CNTN5: variants seen among roughly 807,000 people sequenced by gnomAD.
CNTN5 encodes the protein contactin-5.
CNTN5 carries 77 observed loss-of-function variants against 129.1 expected under a neutral mutation model. That is an observed-to-expected ratio of 0.60 (90% CI 0.50 to 0.72). The LOEUF is 0.72. Ranked by LOEUF, CNTN5 falls within the 30% of genes least tolerant of loss-of-function variation. The probability of loss-of-function intolerance (pLI) is 0.00; values close to 1 mark genes in which losing one functional copy is unlikely to be tolerated. For synonymous variants in CNTN5, 509 were observed against 465.6 expected (o/e 1.09, Z -1.20); for missense variants, 1,478 against 1,328.8 (o/e 1.11, Z -1.75).
chr11:99,794,275 G>C (rs913602827), intron 3 of CNTN5, among the ~76,000 whole-genome samples: 1 of 149,718 alleles, frequency 6.7e-6, no homozygotes, highest in Non-Finnish European at 1.5e-5. Context: ...CCATTTTCTT[G>C]GTAGATTTTC....
chr11:100,198,647 G>T (rs1483539558), intron 15 of CNTN5, among the ~76,000 whole-genome samples: 1 of 151,890 alleles, frequency 6.6e-6, no homozygotes, highest in Non-Finnish European at 1.5e-5. Flanking sequence ...GTCTCTTTCA[G>T]TATCACTAGT....
intron 2 of CNTN5, among the ~76,000 whole-genome samples, chr11:99,397,537 T>C (rs1400375323): frequency 6.6e-6 from 1 of 151,842 alleles, no homozygotes; most frequent in Non-Finnish European, 1.5e-5. Flanking sequence ...ATCTATCTAA[T>C]GATTTATTTG....
intron 1 of CNTN5, among the ~76,000 whole-genome samples, chr11:99,087,614 C>T (rs972315907): frequency 3.3e-5 from 5 of 152,160 alleles, no homozygotes; most frequent in Non-Finnish European, 7.3e-5. Context: ...ACAATCATCT[C>T]CCTAGTACTT....
At chr11:99,121,120 G>GTTCTTTCTTTCTTTCTTTCTTTCT (rs1365908774) in intron 1 of CNTN5, among the ~76,000 whole-genome samples, 2 of 144,754 alleles carry the variant, frequency 1.4e-5, no homozygotes, top group African/African-American at 2.5e-5. Context: ...GGTTTTAACT[G>GTTCTTTCTTTCTTTCTTTCTTTCT]TTCTTTCTTT....
At chr11:99,850,093 A>G (rs1450394804) in intron 6 of CNTN5, among the ~76,000 whole-genome samples, 1 of 148,298 alleles carries the variant, frequency 6.7e-6, no homozygotes, top group African/African-American at 2.5e-5. Context: ...TTAGTTTAAA[A>G]CCACTTATTT....
chr11:99,812,426 C>G (rs546189913), intron 3 of CNTN5, among the ~76,000 whole-genome samples: 1 of 152,110 alleles, frequency 6.6e-6, no homozygotes, highest in East Asian at 1.9e-4. Context: ...AAGAGTGGTA[C>G]AGGATAATAA....
intron 1 of CNTN5, among the ~76,000 whole-genome samples, chr11:99,303,436 T>C (rs1482602383): frequency 1.3e-5 from 2 of 151,426 alleles, no homozygotes; most frequent in East Asian, 3.9e-4. Context: ...CACATTTATC[T>C]TCAAACCAAT....
At chr11:99,291,428 C>G (rs1264701673) in intron 1 of CNTN5, among the ~76,000 whole-genome samples, 1 of 151,824 alleles carries the variant, frequency 6.6e-6, no homozygotes, top group Non-Finnish European at 1.5e-5. Context: ...ATTTGCTATG[C>G]TGTGTCTTAT....
At chr11:99,933,289 C>A in intron 7 of CNTN5, among the ~76,000 whole-genome samples, 1 of 152,136 alleles carries the variant, frequency 6.6e-6, no homozygotes, top group South Asian at 2.1e-4. Context: ...TTTGAGTCAA[C>A]CCTTTTCTCT....
chr11:99,154,409 T>A (rs939797721), intron 1 of CNTN5, among the ~76,000 whole-genome samples: 3 of 152,104 alleles, frequency 2.0e-5, no homozygotes, highest in African/African-American at 4.8e-5. Flanking sequence ...GCTGATGGCA[T>A]CTGTGTGCCT....
chr11:99,759,328 C>T (rs1944502025), intron 3 of CNTN5, among the ~76,000 whole-genome samples: 1 of 151,950 alleles, frequency 6.6e-6, no homozygotes, highest in Admixed American at 6.6e-5. Flanking sequence ...CCTTTTCTCA[C>T]AGTACTTATT....
intron 2 of CNTN5, among the ~76,000 whole-genome samples, chr11:99,360,345 T>A (rs1005517027): frequency 1.3e-5 from 2 of 152,178 alleles, no homozygotes; most frequent in Admixed American, 1.3e-4. Flanking sequence ...TTCTCCCTCT[T>A]GAAGCTCCTT....
At chr11:99,053,374 T>G (rs1488286606) in intron 1 of CNTN5, among the ~76,000 whole-genome samples, 1 of 151,962 alleles carries the variant, frequency 6.6e-6, no homozygotes, top group Non-Finnish European at 1.5e-5. Flanking sequence ...TTTTTCTAAA[T>G]TCTTCTGGGG....
chr11:100,163,441 C>A (rs1446203919), intron 13 of CNTN5, among the ~76,000 whole-genome samples: 2 of 151,744 alleles, frequency 1.3e-5, no homozygotes, highest in Non-Finnish European at 2.9e-5. Flanking sequence ...TACAGCTGAT[C>A]TGGATATGTA....
intron 3 of CNTN5, among the ~76,000 whole-genome samples, chr11:99,761,096 G>C (rs1402543786): frequency 2.0e-5 from 3 of 152,076 alleles, no homozygotes; most frequent in Non-Finnish European, 4.4e-5. Context: ...GTTCCTGTAT[G>C]ACAAGGATGA....
intron 15 of CNTN5, among the ~76,000 whole-genome samples, chr11:100,206,091 T>C (rs1267419514): frequency 6.6e-6 from 1 of 151,976 alleles, no homozygotes; most frequent in Non-Finnish European, 1.5e-5. Context: ...ATGGCAATTG[T>C]AATGAAGGAA....
chr11:99,792,814 T>C (rs1419713443), intron 3 of CNTN5, among the ~76,000 whole-genome samples: 1 of 152,134 alleles, frequency 6.6e-6, no homozygotes, highest in East Asian at 1.9e-4. Flanking sequence ...CTCTTTATTG[T>C]TCTGTTCAGG....
intron 1 of CNTN5, among the ~76,000 whole-genome samples, chr11:99,113,399 T>C (rs1436337253): frequency 4.0e-5 from 6 of 151,850 alleles, no homozygotes; most frequent in Admixed American, 3.9e-4. Flanking sequence ...TTACAGGTAA[T>C]GATGGAACGC....
intron 3 of CNTN5, among the ~76,000 whole-genome samples, chr11:99,608,847 C>G (rs1477144835): frequency 2.0e-5 from 3 of 152,142 alleles, no homozygotes; most frequent in African/African-American, 7.2e-5. Context: ...TATATGAGTT[C>G]TAAGTCTCAA....
Sources: allele counts gnomAD v4.1 joint callset (sites outside exome capture counted in the v4.1 genomes callset), GRCh38; gene constraint gnomAD v4.1.1; transcripts MANE v1.5; gene names NCBI Gene and HGNC (gene_info 2026-07-23, HGNC 2026-07-21).